The following LRFN2 variants were observed in gnomAD, a reference collection of about 807,000 sequenced individuals.
LRFN2 encodes leucine rich repeat and fibronectin type III domain containing 2.
Under a neutral mutation model 37.3 loss-of-function variants are expected in LRFN2, and 18 were observed. The observed-to-expected ratio is 0.48, with a 90% CI of 0.33 to 0.72. LRFN2 has a LOEUF of 0.72. Among genes scored for constraint, LRFN2 ranks in the 30% least tolerant of loss-of-function variants. LRFN2 has a pLI of 0.02. For synonymous variants in LRFN2, 556 were observed against 466.6 expected, an observed-to-expected ratio of 1.19 and a Z score of -2.47; for missense variants, 1,006 against 1,060.7, an observed-to-expected ratio of 0.95 and a Z score of 0.72.
Position 40,556,737 on chromosome 6 carries a change from ACACACACACACACACG to A in LRFN2, c.-19+30188_-19+30203del, listed in dbSNP as rs1238348466. Among the ~76,000 whole-genome samples, 12 of 147,490 alleles carry A rather than the reference ACACACACACACACACG, an allele frequency of 8.1e-5. No individual in the cohort carries two copies. In the East Asian group the frequency reaches 2.2e-3, roughly 27 times the overall value. ...CATAGACACACACACACACACACAC[ACACACACACACACACG>A]CACACACTCCTACTGATGCTCTTGG... On this transcript the variant is annotated intron_variant, in intron 1 of 2. Transcript: ENST00000338305.
At chr6:40,476,738 G>T (rs1013581882) in intron 1 of LRFN2, among the ~76,000 whole-genome samples, 2 of 152,210 alleles carry the variant, frequency 1.3e-5, no homozygotes. Flanking sequence ...TCCTCTCATC[G>T]TCACTTTACT....
chr6:40,435,023 A>ATG (rs1335086319), intron 1 of LRFN2, among the ~76,000 whole-genome samples: 93 of 59,114 alleles, frequency 1.6e-3, no homozygotes, highest in African/African-American at 5.5e-3. Flanking sequence ...ACATATATAT[A>ATG]TATATATATA....
At chr6:40,509,492 A>G (rs1392560194) in intron 1 of LRFN2, among the ~76,000 whole-genome samples, 1 of 152,266 alleles carries the variant, frequency 6.6e-6, no homozygotes, top group Non-Finnish European at 1.5e-5. Context: ...CACAGAAAAG[A>G]GAGTGTGCTG....
intron 1 of LRFN2, among the ~76,000 whole-genome samples, chr6:40,575,781 C>T (rs947164832): frequency 1.3e-5 from 2 of 152,108 alleles, no homozygotes; most frequent in Non-Finnish European, 2.9e-5. Flanking sequence ...AGAGGGGGCT[C>T]AGGAGCTGGC....
rs78799688 is a variant in LRFN2 at position 40,420,484 on chromosome 6, C to T, written c.1400+11230G>A. Reference sequence around the variant, plus strand: ...GGAAAGCAGCCCCATCAGCTTCCCCCCCAGGCTGGCCTCAGCCACAAACTG... The same window carrying T: ...GGAAAGCAGCCCCATCAGCTTCCCCTCCAGGCTGGCCTCAGCCACAAACTG... On this transcript the variant is annotated intron_variant, in intron 2 of 2. Transcript: ENST00000338305. Among the ~76,000 whole-genome samples, 1,317 of 152,346 alleles carry T rather than the reference C, an allele frequency of 8.6e-3. 18 individuals are homozygous for T. The highest frequency in any genetic ancestry group is 0.029 in the African/African-American group (1,204 of 41,578).
chr6:40,585,356 A>G (rs1581807582), intron 1 of LRFN2, among the ~76,000 whole-genome samples: 1 of 152,202 alleles, frequency 6.6e-6, no homozygotes. Flanking sequence ...CAGAAGGGAA[A>G]GATGACATTC....
rs753883899 is a variant in LRFN2 at position 40,432,043 on chromosome 6, G to C, written c.1071C>G (p.Phe357Leu). Residue 357 changes from phenylalanine (F) to leucine (L), a missense_variant, in exon 2 of 3, where the codon TTC (phenylalanine) becomes TTG (leucine). Transcript: ENST00000338305. ...CGGCAGCATTGGCAGCAATGCAGGT[G>C]AAGGCACCACTGTCCTGAGATGTGG... is the stretch of plus-strand genomic sequence containing the variant. The part of the protein sequence containing the change: ...FITTSQDSGA[F>L]TCIAANAAGE... The C allele has an allele frequency of 3.7e-6, 6 of 1,613,938 alleles. No individual in the cohort carries two copies. The highest frequency in any genetic ancestry group is 5.1e-6 in the Non-Finnish European group (6 of 1,180,032).
chr6:40,485,291 C>T (rs768099035), intron 1 of LRFN2, among the ~76,000 whole-genome samples: 5 of 152,134 alleles, frequency 3.3e-5, no homozygotes, highest in Non-Finnish European at 7.3e-5. Context: ...AGAGAAAAAG[C>T]CCCTTCCCTA....
Position 40,392,258 on chromosome 6 carries a change from C to A in LRFN2, c.2055G>T (p.Gly685=). ...DSRTPAGRGA[G]TSARGHHSDR... ...CCGAGTGGTGGCCCCGGGCCGACGT[C>A]CCAGCCCCTCTCCCGGCTGGAGTCC... Residue 685 remains glycine, a synonymous_variant, in exon 3 of 3, where the codon GGG becomes GGT. Coordinates refer to ENST00000338305, the MANE Select transcript of LRFN2 (RefSeq NM_020737.3). This position sits in a 1 kb window ranked among gnomAD's most constrained non-coding sequence, Gnocchi z 4.7. 1 of 1,592,256 alleles carries A rather than the reference C, an allele frequency of 6.3e-7. No individual in the cohort carries two copies. The highest frequency in any genetic ancestry group is 1.2e-5 in the South Asian group (1 of 86,754).
chr6:40,582,880 C>T (rs1433381072), intron 1 of LRFN2, among the ~76,000 whole-genome samples: 1 of 152,054 alleles, frequency 6.6e-6, no homozygotes, highest in African/African-American at 2.4e-5. Flanking sequence ...GCAGTCAACC[C>T]AACACTGTCC....
chr6:40,549,859 A>C (rs1766736894), intron 1 of LRFN2, among the ~76,000 whole-genome samples: 1 of 151,926 alleles, frequency 6.6e-6, no homozygotes, highest in African/African-American at 2.4e-5. Flanking sequence ...CCAACATGGC[A>C]AAAAAACCCA....
chr6:40,471,230 G>C (rs1176967140), intron 1 of LRFN2, among the ~76,000 whole-genome samples: 6 of 152,164 alleles, frequency 3.9e-5, no homozygotes, highest in Non-Finnish European at 5.9e-5. Context: ...CTGAAGCCAG[G>C]GTAGAAGGTA....
At chr6:40,450,980 C>T (rs972598613) in intron 1 of LRFN2, among the ~76,000 whole-genome samples, 3 of 152,154 alleles carry the variant, frequency 2.0e-5, no homozygotes, top group Non-Finnish European at 4.4e-5. Flanking sequence ...GCTATAGGTG[C>T]CACTCACCTC....
intron 1 of LRFN2, among the ~76,000 whole-genome samples, chr6:40,493,274 C>T (rs562204914): frequency 6.6e-6 from 1 of 152,270 alleles, no homozygotes; most frequent in African/African-American, 2.4e-5. Flanking sequence ...CATGCCACTC[C>T]AGTTTCCTGC....
chr6:40,438,569 T>G (rs1763748668), intron 1 of LRFN2, among the ~76,000 whole-genome samples: 1 of 152,228 alleles, frequency 6.6e-6, no homozygotes, highest in Non-Finnish European at 1.5e-5. Context: ...ATGGAGATCG[T>G]CTGGCTCCAG....
At chr6:40,527,769 A>G (rs1766278386) in intron 1 of LRFN2, among the ~76,000 whole-genome samples, 1 of 152,240 alleles carries the variant, frequency 6.6e-6, no homozygotes, top group Non-Finnish European at 1.5e-5. Context: ...TTTTAAAATA[A>G]TTAAAGCAAG....
At chr6:40,467,409 A>C (rs911282327) in intron 1 of LRFN2, among the ~76,000 whole-genome samples, 9 of 152,114 alleles carry the variant, frequency 5.9e-5, no homozygotes, top group African/African-American at 1.7e-4. Flanking sequence ...GCTAGAGCCA[A>C]GACCTAAATC....
intron 1 of LRFN2, among the ~76,000 whole-genome samples, chr6:40,504,012 T>C (rs1765461105): frequency 6.7e-6 from 1 of 148,242 alleles, no homozygotes; most frequent in African/African-American, 2.5e-5. Context: ...TGGCGAGAGA[T>C]AGGAGGGTCG....
intron 2 of LRFN2, among the ~76,000 whole-genome samples, chr6:40,419,492 C>T (rs1211566224): frequency 1.3e-5 from 2 of 152,198 alleles, no homozygotes; most frequent in Admixed American, 6.5e-5. Flanking sequence ...CCTGCCCAGC[C>T]CAGCCCAGGC....
Sources: gnomAD v4.1 joint callset for allele counts (sites outside exome capture counted in the v4.1 genomes callset) on GRCh38, gnomAD v4.1.1 for gene constraint, Gnocchi (gnomAD v3.1) non-coding constraint, MANE v1.5 for transcripts, NCBI Gene and HGNC (gene_info 2026-07-23, HGNC 2026-07-21) for gene names.